Variants in CDC5L observed in about 807,000 individuals in gnomAD.
The protein encoded by CDC5L is cell division cycle 5-like protein.
CDC5L carries 18 observed loss-of-function variants against 104.1 expected under a neutral mutation model. The observed-to-expected ratio is 0.17, with a 90% CI of 0.12 to 0.26. The LOEUF is 0.26. Ranked by LOEUF, CDC5L falls within the 10% of genes least tolerant of loss-of-function variation. CDC5L has a pLI of 1.00. For missense variants in CDC5L, 673 were observed against 956.9 expected (o/e 0.70, Z 3.91); for synonymous variants, 331 against 322.7 (o/e 1.03, Z -0.28).
chr6:44,425,422 T>G (rs996879241), intron 11 of CDC5L, among the ~76,000 whole-genome samples: 1 of 152,182 alleles, frequency 6.6e-6, no homozygotes, highest in Non-Finnish European at 1.5e-5. Context: ...CTCAACTTTC[T>G]CAGGTCTCAT....
chr6:44,400,261 G>C (rs1309260645), intron 5 of CDC5L, among the ~76,000 whole-genome samples: 3 of 151,964 alleles, frequency 2.0e-5, no homozygotes, highest in Non-Finnish European at 2.9e-5. Flanking sequence ...ATTCTTTCCT[G>C]TTTCTTTGCA....
In CDC5L at chr6:44,392,787, A is replaced by C. The variant is rs368750731; in HGVS notation, c.270A>C (p.Gly90=). 2 of 1,614,064 alleles carry C rather than the reference A, an allele frequency of 1.2e-6. No individual in the cohort carries two copies. Among genetic ancestry groups the C allele is most frequent in the Non-Finnish European group, 1.7e-6 (2 of 1,180,022 alleles). Residue 90 remains glycine, a synonymous_variant, in exon 3 of 16, where the codon GGA becomes GGC. Coordinates refer to ENST00000371477, the MANE Select transcript of CDC5L (RefSeq NM_001253.4). ...TQWRTIAPII[G]RTAAQCLEHY... The stretch of plus-strand genomic sequence containing the variant: ...GGAGGACCATTGCTCCAATCATTGG[A>C]AGAACAGCGGCCCAGTGCTTAGAAC...
Position 44,403,855 on chromosome 6 carries a change from A to G in CDC5L, c.586A>G (p.Ile196Val). The change falls in exon 6 of 16, where the codon ATA becomes GTA. Residue 196 changes from isoleucine to valine, a missense_variant. Physicochemically the swap from Ile to Val is conservative, Grantham distance 29. Around this residue, in one of 4 missense-constraint regions of CDC5L, gnomAD observed 578 missense variants for 737.0 expected, o/e 0.78. Transcript: ENST00000371477. Reference protein sequence around the residue: ...QKRRELRAAGIEIQKKRKRKR... With the variant: ...QKRRELRAAGVEIQKKRKRKR... ...AAGAAGAGAACTTCGAGCAGCTGGC[A>G]TAGAAATTCAGAAGAAAAGAAAAAG... The G allele has an allele frequency of 5.6e-6, 9 of 1,613,020 alleles. No individual in the cohort carries two copies. Among genetic ancestry groups the G allele is most frequent in the Non-Finnish European group, 7.6e-6 (9 of 1,179,774 alleles).
chr6:44,422,620 T>G, intron 9 of CDC5L, 27 bp from the exon 10 acceptor site: 1 of 1,478,412 alleles, frequency 6.8e-7, no homozygotes, highest in Non-Finnish European at 9.1e-7. Flanking sequence ...GTGGCACTTC[T>G]GTTAATTGGG....
chr6:44,422,758 T>C lies in CDC5L; in HGVS notation c.1353T>C (p.Asn451=), dbSNP rs748492710. The C allele has an allele frequency of 6.1e-5, 99 of 1,613,106 alleles. No homozygotes were observed. The highest frequency in any genetic ancestry group is 7.4e-5 in the Non-Finnish European group (87 of 1,179,342). ...CTCTTCGAGACAAGTTAAACATTAA[T>C]CCCGAGGATGGAATGGCAGACTATA... ...RTPLRDKLNI[N]PEDGMADYSD... is the part of the protein sequence containing the mutation. The change falls in exon 10 of 16, where the codon AAT becomes AAC. Residue 451 remains asparagine, a synonymous_variant. Coordinates refer to ENST00000371477, the MANE Select transcript of CDC5L (RefSeq NM_001253.4).
At chr6:44,439,517 T>C (rs1256551830) in intron 14 of CDC5L, among the ~76,000 whole-genome samples, 1 of 152,178 alleles carries the variant, frequency 6.6e-6, no homozygotes, top group African/African-American at 2.4e-5. Flanking sequence ...TTTGGTCTTG[T>C]GGTCCACAAG....
chr6:44,393,003 C>T (rs1246115349), intron 3 of CDC5L, among the ~76,000 whole-genome samples, 175 bp downstream of exon 3: 1 of 152,086 alleles, frequency 6.6e-6, no homozygotes, highest in Non-Finnish European at 1.5e-5. Context: ...ATTATGCCTT[C>T]TGTCATATAC....
chr6:44,427,855 A>C (rs1262834827), intron 13 of CDC5L, among the ~76,000 whole-genome samples: 3 of 152,238 alleles, frequency 2.0e-5, no homozygotes, highest in African/African-American at 4.8e-5. Context: ...ATTTTCCTAA[A>C]TTGTATGTAT....
At chr6:44,395,063 G>A (rs1790808057) in intron 4 of CDC5L, among the ~76,000 whole-genome samples, 1 of 152,140 alleles carries the variant, frequency 6.6e-6, no homozygotes, top group Admixed American at 6.5e-5. Flanking sequence ...GGAGCTAAAA[G>A]CGTTGATCTC....
Position 44,403,831 on chromosome 6 carries a change from A to G in CDC5L, c.562A>G (p.Arg188Gly), listed in dbSNP as rs755044991. Residue 188 changes from arginine (R) to glycine (G), a missense_variant, in exon 6 of 16, where the codon AGA becomes GGA. Arg to Gly is a moderately radical substitution (Grantham distance 125). Coordinates refer to ENST00000371477, the MANE Select transcript of CDC5L (RefSeq NM_001253.4). ...EARRLAALQK[R>G]RELRAAGIEI... is the part of the protein sequence containing the mutation. ...CAGACGTCTTGCTGCCCTCCAAAAA[A>G]GAAGAGAACTTCGAGCAGCTGGCAT... The G allele has an allele frequency of 2.6e-5, 42 of 1,608,656 alleles. No homozygotes were observed. The highest frequency in any genetic ancestry group is 3.3e-5 in the Non-Finnish European group (39 of 1,178,802).
rs1196163021 is a variant in CDC5L at position 44,449,513 on chromosome 6, A to T, written c.*2802A>T. On this transcript the variant is annotated 3_prime_UTR_variant, in exon 16 of 16. Coordinates refer to ENST00000371477, the MANE Select transcript of CDC5L (RefSeq NM_001253.4). ...CTATTAAAAAATAATAATAAAAATA[A>T]CATTCACATTGGTATTGTTCACTAA... The T allele has an allele frequency of 1.3e-5, 2 of 152,308 alleles. 1 individual carries two copies. Among genetic ancestry groups the T allele is most frequent in the South Asian group, 4.1e-4 (2 of 4,828 alleles). The allele number at this position is 152,308 out of a possible 1,614,324, so 9.4% of individuals were successfully genotyped here. A position where few individuals can be genotyped will look rare whatever the true frequency, so the allele number is the denominator to read the frequency against.
chr6:44,429,479 A>T (rs1792580461), intron 13 of CDC5L, among the ~76,000 whole-genome samples: 1 of 152,196 alleles, frequency 6.6e-6, no homozygotes, highest in African/African-American at 2.4e-5. Context: ...AAAGCAAAGG[A>T]TGTTTATACT....
chr6:44,413,004 G>T (rs372210407), intron 8 of CDC5L, among the ~76,000 whole-genome samples: 1 of 151,076 alleles, frequency 6.6e-6, no homozygotes, highest in African/African-American at 2.4e-5. Flanking sequence ...GGATGGTCTC[G>T]ATCTCCTGAC....
chr6:44,398,747 AT>A (rs1790986635), intron 5 of CDC5L, among the ~76,000 whole-genome samples: 1 of 152,206 alleles, frequency 6.6e-6, no homozygotes, highest in South Asian at 2.1e-4. Flanking sequence ...TGAAGTCCTT[AT>A]TTCCATTATT....
chr6:44,431,697 G>A (rs1007950881), intron 14 of CDC5L, among the ~76,000 whole-genome samples: 7 of 152,248 alleles, frequency 4.6e-5, no homozygotes, highest in African/African-American at 9.6e-5. Context: ...CACACAGTGA[G>A]TGGTGCCATA....
chr6:44,419,921 C>T (rs561955281), intron 9 of CDC5L, among the ~76,000 whole-genome samples: 9 of 152,226 alleles, frequency 5.9e-5, no homozygotes, highest in East Asian at 1.9e-4. Context: ...TACAGACATC[C>T]GCCACCATGC....
chr6:44,423,387 A>G (rs532238402), intron 10 of CDC5L, among the ~76,000 whole-genome samples: 1 of 152,376 alleles, frequency 6.6e-6, no homozygotes, highest in African/African-American at 2.4e-5. Flanking sequence ...TCTAAAGTTG[A>G]ATAAAGATGT....
chr6:44,398,545 G>A (rs995289033), intron 5 of CDC5L, among the ~76,000 whole-genome samples: 3 of 152,132 alleles, frequency 2.0e-5, no homozygotes, highest in African/African-American at 7.2e-5. Flanking sequence ...TGCAGGGCAG[G>A]GCTATTTGCT....
At chr6:44,397,457 A>G (rs1485281594) in intron 5 of CDC5L, among the ~76,000 whole-genome samples, 2 of 152,100 alleles carry the variant, frequency 1.3e-5, no homozygotes, top group South Asian at 4.2e-4. Flanking sequence ...ACTATCTTGT[A>G]TTTTTTTCCC....
Sources: allele counts gnomAD v4.1 joint callset (sites outside exome capture counted in the v4.1 genomes callset), GRCh38; gene constraint gnomAD v4.1.1; regional missense constraint gnomAD v4.1.1; transcripts MANE v1.5; gene names NCBI Gene and HGNC (gene_info 2026-07-23, HGNC 2026-07-21).